VOPP1: variants seen among roughly 807,000 people sequenced by gnomAD.
VOPP1 encodes VOPP1 WW domain binding protein.
Under a neutral mutation model 23.5 loss-of-function variants are expected in VOPP1, and 8 were observed. The ratio of observed to expected loss-of-function variants is 0.34; its 90% CI spans 0.20 to 0.61. VOPP1 has a LOEUF of 0.61. Among genes scored for constraint, VOPP1 ranks in the 20% least tolerant of loss-of-function variants. The probability of loss-of-function intolerance (pLI) is 0.78; values close to 1 mark genes in which losing one functional copy is unlikely to be tolerated. For missense variants in VOPP1, 174 were observed against 238.1 expected (o/e 0.73, Z 1.77); for synonymous variants, 83 against 97.3 (o/e 0.85, Z 0.86).
At chr7:55,552,545 A>G in intron 1 of VOPP1, 1 of 1,518,820 alleles carries the variant, frequency 6.6e-7, no homozygotes, top group Admixed American at 2.0e-5. Context: ...CACAAGCATG[A>G]TTTTCCCAGG....
chr7:55,544,739 G>C (rs1797293194), intron 1 of VOPP1, among the ~76,000 whole-genome samples: 3 of 152,276 alleles, frequency 2.0e-5, no homozygotes, highest in Middle Eastern at 3.4e-3. Context: ...GGAGACCGTG[G>C]AACTCAAGCA....
chr7:55,508,793 C>T (rs1211614101), intron 2 of VOPP1, among the ~76,000 whole-genome samples: 6 of 152,178 alleles, frequency 3.9e-5, no homozygotes, highest in Non-Finnish European at 8.8e-5. Context: ...AGGTGTTTTT[C>T]ATTTTCCATA....
rs764766215 is a variant in VOPP1 at position 55,492,349 on chromosome 7, G to T, written c.261C>A (p.Pro87=). 6.2e-7 allele frequency: 1 copy of T among 1,609,394 alleles called. No individual in the cohort carries two copies. The highest frequency in any genetic ancestry group is 1.7e-5 in the Admixed American group (1 of 59,328). The part of the protein sequence containing the change: ...AGFFIRRRMY[P]PPLIEEPAFN... The stretch of plus-strand genomic sequence containing the variant: ...AGGCTGGCTCCTCGATCAGCGGCGG[G>T]GGGTACATGCGCCTCCGGATGAAGA... Residue 87 remains proline (P), a synonymous_variant, in exon 4 of 5, where the codon CCC becomes CCA. Coordinates refer to ENST00000285279, the MANE Select transcript of VOPP1 (RefSeq NM_030796.5).
At chr7:55,476,845 G>A (rs1462244860) in intron 4 of VOPP1, among the ~76,000 whole-genome samples, 1 of 152,146 alleles carries the variant, frequency 6.6e-6, no homozygotes, top group Non-Finnish European at 1.5e-5. Context: ...TCACTCATGG[G>A]ACGGTGGGCT....
intron 1 of VOPP1, chr7:55,537,374 A>G (rs552949305): frequency 7.6e-7 from 1 of 1,312,906 alleles, no homozygotes; most frequent in South Asian, 1.3e-5. Context: ...AAGTCAGACC[A>G]CTGATTTCGT....
intron 1 of VOPP1, chr7:55,521,643 AG>A (rs1489975963): frequency 4.1e-6 from 4 of 987,360 alleles, no homozygotes; most frequent in South Asian, 4.7e-5. Context: ...AAGAGAAAGA[AG>A]GAACAAGGAA....
intron 1 of VOPP1, among the ~76,000 whole-genome samples, chr7:55,522,690 G>A (rs954299731): frequency 3.9e-5 from 6 of 152,134 alleles, no homozygotes; most frequent in African/African-American, 1.2e-4. Context: ...CAGAACACAA[G>A]CCTGAAGCTC....
chr7:55,552,525 T>C (rs1481473922), intron 1 of VOPP1: 3 of 1,453,146 alleles, frequency 2.1e-6, no homozygotes, highest in African/African-American at 2.8e-5. Context: ...TGCTTACACA[T>C]GCCCAGCAAC....
intron 1 of VOPP1, among the ~76,000 whole-genome samples, chr7:55,543,060 C>T (rs910253687): frequency 1.3e-5 from 2 of 152,000 alleles, no homozygotes; most frequent in Admixed American, 6.6e-5. Context: ...GGAATACAGG[C>T]ACCTGCCACC....
At chr7:55,495,287 A>G (rs1329640372) in intron 3 of VOPP1, among the ~76,000 whole-genome samples, 10 of 152,158 alleles carry the variant, frequency 6.6e-5, no homozygotes, top group Admixed American at 6.5e-4. Flanking sequence ...TCCTTGGTGA[A>G]AAGATCCTCA....
chr7:55,497,628 C>T lies in VOPP1; in HGVS notation c.176G>A (p.Arg59Lys), dbSNP rs1562928512. 6.2e-7 allele frequency: 1 copy of T among 1,613,014 alleles called. No individual in the cohort carries two copies. The highest frequency in any genetic ancestry group is 8.5e-7 in the Non-Finnish European group (1 of 1,179,682). ...TGTGACCTACCAGAAGTACCACAGCCTCTGTATGGAGAGGGCCCGCACACA... is the reference window on the plus strand; with the variant it reads ...TGTGACCTACCAGAAGTACCACAGCTTCTGTATGGAGAGGGCCCGCACACA... ...RCCVRALSIQ[R>K]LWYFWFLLMM... The change falls in exon 3 of 5, where the codon AGG becomes AAG. Residue 59 changes from arginine (R) to lysine (K), a missense_variant. By Grantham distance (26) the Arg-to-Lys change is conservative. Transcript: ENST00000285279.
chr7:55,435,633 C>T (rs913006999), downstream of VOPP1, among the ~76,000 whole-genome samples: 1 of 152,230 alleles, frequency 6.6e-6, no homozygotes, highest in Non-Finnish European at 1.5e-5. Flanking sequence ...CCATTGTCTC[C>T]TGTCAGAGGC....
chr7:55,458,189 C>T (rs1006997139), intron 4 of VOPP1, among the ~76,000 whole-genome samples: 2 of 152,092 alleles, frequency 1.3e-5, no homozygotes, highest in East Asian at 3.8e-4. Context: ...GTATCCCTTC[C>T]CTGATACACA....
intron 2 of VOPP1, among the ~76,000 whole-genome samples, chr7:55,517,556 G>A (rs1435489156): frequency 1.3e-5 from 2 of 152,184 alleles, no homozygotes; most frequent in Non-Finnish European, 2.9e-5. Context: ...GCCCCCAGCA[G>A]CAGGGCGAGC....
At chr7:55,515,846 CCT>C (rs1795370600) in intron 2 of VOPP1, 1 of 463,924 alleles carries the variant, frequency 2.2e-6, no homozygotes, top group African/African-American at 2.1e-5. Flanking sequence ...ACAAACGCCA[CCT>C]TAGTCGGCAG....
intron 1 of VOPP1, among the ~76,000 whole-genome samples, chr7:55,546,419 C>T (rs538737101): frequency 9.2e-5 from 14 of 152,158 alleles, no homozygotes; most frequent in Non-Finnish European, 1.8e-4. Context: ...CTGAAATGAG[C>T]CTAAATCAAT....
chr7:55,513,671 G>A (rs1027400226), intron 2 of VOPP1, among the ~76,000 whole-genome samples: 1 of 152,152 alleles, frequency 6.6e-6, no homozygotes, highest in Non-Finnish European at 1.5e-5. Flanking sequence ...GGTGTCAGCT[G>A]CCAAGTCAGT....
chr7:55,485,150 A>T (rs1173902329), intron 4 of VOPP1, among the ~76,000 whole-genome samples: 1 of 152,276 alleles, frequency 6.6e-6, no homozygotes, highest in East Asian at 1.9e-4. Context: ...AATTAATAAC[A>T]AATCCCCATG....
intron 4 of VOPP1, among the ~76,000 whole-genome samples, chr7:55,484,753 T>C (rs1427051213): frequency 6.6e-6 from 1 of 152,228 alleles, no homozygotes; most frequent in Non-Finnish European, 1.5e-5. Flanking sequence ...TTTAGAATAC[T>C]GTGAACAAGT....
Sources: gnomAD v4.1 joint callset for allele counts (sites outside exome capture counted in the v4.1 genomes callset) on GRCh38, gnomAD v4.1.1 for gene constraint, MANE v1.5 for transcripts, NCBI Gene and HGNC (gene_info 2026-07-23, HGNC 2026-07-21) for gene names.